The following LRMDA variants were observed in gnomAD, a reference collection of about 807,000 sequenced individuals.
The protein encoded by LRMDA is leucine rich melanocyte differentiation associated.
LRMDA carries 18 observed loss-of-function variants against 29.8 expected under a neutral mutation model. The ratio of observed to expected loss-of-function variants is 0.60; its 90% confidence interval spans 0.42 to 0.90. The LOEUF (loss-of-function observed/expected upper bound fraction) is 0.90. Among genes scored for constraint, LRMDA ranks in the 40% least tolerant of loss-of-function variants. The pLI, the probability that LRMDA is intolerant of heterozygous loss-of-function variation, is 0.00. For synonymous variants in LRMDA, 125 were observed against 109.4 expected (o/e 1.14, Z -0.89); for missense variants, 273 against 273.9 (o/e 1.00, Z 0.02).
chr10:75,444,926 G>A (rs529072130), intron 2 of LRMDA, among the ~76,000 whole-genome samples: 9 of 152,144 alleles, frequency 5.9e-5, no homozygotes, highest in East Asian at 1.9e-4. Context: ...ACTTTACTGC[G>A]TTACAATGTT....
At chr10:75,618,834 T>G (rs1429802219) in intron 2 of LRMDA, among the ~76,000 whole-genome samples, 1 of 150,838 alleles carries the variant, frequency 6.6e-6, no homozygotes, top group Non-Finnish European at 1.5e-5. Context: ...TGGAGTGCAA[T>G]GGCATGATCT....
intron 5 of LRMDA, among the ~76,000 whole-genome samples, chr10:76,124,402 C>T (rs1165307186): frequency 6.6e-6 from 1 of 152,234 alleles, no homozygotes; most frequent in Admixed American, 6.5e-5. Context: ...AGGAAACTCA[C>T]ACCTTTTCTC....
intron 2 of LRMDA, among the ~76,000 whole-genome samples, chr10:75,979,484 A>G (rs920798644): frequency 3.3e-5 from 5 of 152,170 alleles, no homozygotes; most frequent in African/African-American, 1.2e-4. Context: ...TAAATATATT[A>G]CTTTTAATTT....
intron 2 of LRMDA, among the ~76,000 whole-genome samples, chr10:75,854,717 A>C (rs1453093587): frequency 1.5e-3 from 185 of 124,556 alleles, no homozygotes; most frequent in Middle Eastern, 4.2e-3. Context: ...ATCCCTCCCC[A>C]CTCCCCCCAC....
intron 5 of LRMDA, among the ~76,000 whole-genome samples, chr10:76,250,696 AT>A (rs1564700294): frequency 6.6e-6 from 1 of 152,128 alleles, no homozygotes; most frequent in Admixed American, 6.5e-5. Context: ...ATAAGAAATT[AT>A]TTTTTCCATA....
intron 2 of LRMDA, among the ~76,000 whole-genome samples, chr10:76,031,539 G>A (rs1427922522): frequency 1.3e-5 from 2 of 152,100 alleles, no homozygotes; most frequent in African/African-American, 4.8e-5. Context: ...ACACTTAACA[G>A]CTTTCTAGGA....
intron 5 of LRMDA, among the ~76,000 whole-genome samples, chr10:76,169,354 C>T (rs1850794128): frequency 1.3e-5 from 2 of 152,162 alleles, no homozygotes; most frequent in South Asian, 4.1e-4. Context: ...CTCTTTTAGC[C>T]ATGGTCTTGG....
chr10:75,519,577 T>C (rs1007261925), intron 2 of LRMDA, among the ~76,000 whole-genome samples: 1 of 152,254 alleles, frequency 6.6e-6, no homozygotes, highest in Non-Finnish European at 1.5e-5. Context: ...TGTGTGTCTC[T>C]GCACTTGAGA....
chr10:75,831,328 T>G (rs185808433), intron 2 of LRMDA, among the ~76,000 whole-genome samples: 2 of 152,336 alleles, frequency 1.3e-5, no homozygotes, highest in Admixed American at 1.3e-4. Flanking sequence ...ATTACAAGCG[T>G]GAGCCACCAG....
chr10:76,270,976 G>A (rs2132321014), intron 5 of LRMDA, among the ~76,000 whole-genome samples: 1 of 152,300 alleles, frequency 6.6e-6, no homozygotes, highest in African/African-American at 2.4e-5. Flanking sequence ...TTATTGATTT[G>A]ATAAGTGCAC....
At chr10:75,622,467 C>T (rs546421011) in intron 2 of LRMDA, among the ~76,000 whole-genome samples, 2 of 152,242 alleles carry the variant, frequency 1.3e-5, no homozygotes, top group East Asian at 1.9e-4. Context: ...CCTTATCTAC[C>T]GTTTTTACTT....
rs139165124 is a variant in LRMDA, at chr10:75,547,556, C to T, written c.131+109062C>T. Among the ~76,000 whole-genome samples the T allele has an allele frequency of 8.5e-5, 13 of 152,290 alleles. No individual in the cohort carries two copies. The East Asian group carries it at 1.7e-3, about 20-fold the overall frequency. On this transcript the variant is annotated intron_variant, in intron 2 of 6. Transcript: ENST00000611255. Reference sequence around the variant, plus strand: ...AGTGCTGTGGAATGTGTGTGTGTTTCGTCTTTATCAAGAATGTCACATGGC... The same window carrying T: ...AGTGCTGTGGAATGTGTGTGTGTTTTGTCTTTATCAAGAATGTCACATGGC...
chr10:76,526,114 G>A (rs1843171969), intron 6 of LRMDA, among the ~76,000 whole-genome samples: 1 of 152,178 alleles, frequency 6.6e-6, no homozygotes, highest in East Asian at 1.9e-4. Flanking sequence ...TGGGTGATAT[G>A]TCACTCAAAT....
intron 6 of LRMDA, among the ~76,000 whole-genome samples, chr10:76,476,888 A>T (rs1449449746): frequency 6.6e-6 from 1 of 152,172 alleles, no homozygotes; most frequent in Non-Finnish European, 1.5e-5. Flanking sequence ...TTAGTTATTG[A>T]TGGGACGTAT....
chr10:76,082,791 A>G (rs1401915164), intron 5 of LRMDA, among the ~76,000 whole-genome samples: 3 of 152,198 alleles, frequency 2.0e-5, no homozygotes, highest in African/African-American at 7.2e-5. Flanking sequence ...GAGCTGAATT[A>G]ATATACTCAT....
intron 2 of LRMDA, among the ~76,000 whole-genome samples, chr10:75,661,003 G>A (rs868057154): frequency 2.6e-5 from 4 of 152,052 alleles, no homozygotes; most frequent in Admixed American, 6.6e-5. Flanking sequence ...CAACGCCAGC[G>A]GGACAGAGCC....
chr10:75,967,997 A>G (rs1362369640), intron 2 of LRMDA, among the ~76,000 whole-genome samples: 4 of 152,130 alleles, frequency 2.6e-5, no homozygotes, highest in African/African-American at 4.8e-5. Context: ...CTTAGATTAA[A>G]GGCGAAGTGC....
intron 5 of LRMDA, among the ~76,000 whole-genome samples, chr10:76,253,282 T>C (rs796945416): frequency 8.5e-5 from 13 of 152,254 alleles, no homozygotes; most frequent in African/African-American, 2.9e-4. Context: ...TTTAAGGACA[T>C]TGATTCATGG....
chr10:76,328,469 A>T (rs1430187231), intron 6 of LRMDA, among the ~76,000 whole-genome samples: 2 of 152,180 alleles, frequency 1.3e-5, no homozygotes, highest in Non-Finnish European at 2.9e-5. Context: ...ATTGCTGGGG[A>T]TGATGGAGCA....
Sources: allele counts gnomAD v4.1 joint callset (sites outside exome capture counted in the v4.1 genomes callset), GRCh38; gene constraint gnomAD v4.1.1; transcripts MANE v1.5; gene names NCBI Gene and HGNC (gene_info 2026-07-23, HGNC 2026-07-21).